Variants in VEGFC observed in about 807,000 individuals in gnomAD.
VEGFC encodes the protein FLT4 ligand DHM.
In VEGFC, 12 loss-of-function variants were observed where a neutral mutation model predicts 46.1. The observed-to-expected ratio is 0.26, with a 90% confidence interval of 0.17 to 0.42. The LOEUF is 0.42. Ranked by LOEUF, VEGFC falls within the 10% of genes least tolerant of loss-of-function variation. The pLI is 1.00. For missense variants in VEGFC, 488 were observed against 529.4 expected (o/e 0.92, Z 0.77); for synonymous variants, 232 against 195.5 (o/e 1.19, Z -1.56).
intron 3 of VEGFC, among the ~76,000 whole-genome samples, chr4:176,725,853 T>C (rs1435854090): frequency 6.6e-6 from 1 of 152,096 alleles, no homozygotes; most frequent in African/African-American, 2.4e-5. Context: ...ATTTTAATTA[T>C]TAATATGTTT....
At chr4:176,708,293 C>A (rs1336507055) in intron 4 of VEGFC, among the ~76,000 whole-genome samples, 2 of 151,738 alleles carry the variant, frequency 1.3e-5, no homozygotes, top group South Asian at 2.1e-4. Context: ...AGTTTCCTGG[C>A]AAATACAATT....
intron 1 of VEGFC, among the ~76,000 whole-genome samples, chr4:176,737,415 T>C (rs1305107447): frequency 6.7e-6 from 1 of 149,470 alleles, no homozygotes; most frequent in African/African-American, 2.4e-5. Flanking sequence ...CATTTCTATG[T>C]TAAATTTGAG....
intron 2 of VEGFC, 62 bp downstream of exon 2, chr4:176,729,471 G>C: frequency 2.1e-6 from 3 of 1,433,392 alleles, no homozygotes; most frequent in Non-Finnish European, 2.8e-6. Context: ...AAAGAACCAG[G>C]CTGGCAACTT....
chr4:176,772,674 C>T (rs139641783), intron 1 of VEGFC, among the ~76,000 whole-genome samples: 2 of 152,284 alleles, frequency 1.3e-5, no homozygotes, highest in African/African-American at 4.8e-5. Flanking sequence ...GCTCTGCCCA[C>T]CTGAATGGAT....
chr4:176,787,632 C>CA (rs1161984565), intron 1 of VEGFC, among the ~76,000 whole-genome samples: 1 of 151,888 alleles, frequency 6.6e-6, no homozygotes, highest in Non-Finnish European at 1.5e-5. Flanking sequence ...TGATTAATTC[C>CA]ATGATGGATG....
intron 1 of VEGFC, among the ~76,000 whole-genome samples, chr4:176,744,927 T>C (rs1184418660): frequency 3.3e-5 from 5 of 152,052 alleles, no homozygotes; most frequent in Admixed American, 3.3e-4. Context: ...TCTACGCTAA[T>C]TCCAAAATCC....
chr4:176,792,429 A>AC lies in VEGFC; in HGVS notation c.-119dup, dbSNP rs531202860. ...CCTCTCCCCCGGGCTCCTCCCGGCGACCCCCCCTGGGCGAGCCGGAGGCGG... is the reference window on the plus strand; with the variant it reads ...CCTCTCCCCCGGGCTCCTCCCGGCGACCCCCCCCTGGGCGAGCCGGAGGCGG... On this transcript the variant is annotated 5_prime_UTR_variant, in exon 1 of 7. Transcript: ENST00000618562. The surrounding 1 kb of genome is among the most constrained non-coding windows in gnomAD (Gnocchi z 6.3). 0.024 allele frequency: 18,030 copies of AC among 763,078 alleles called. 327 individuals carry two copies. The highest frequency in any genetic ancestry group is 0.028 in the Non-Finnish European group (15,530 of 545,562). The allele number at this position is 763,078 out of a possible 1,614,324, so 47.3% of individuals were successfully genotyped here. A position where few individuals can be genotyped will look rare whatever the true frequency, so the allele number is the denominator to read the frequency against.
intron 1 of VEGFC, among the ~76,000 whole-genome samples, chr4:176,774,020 T>C (rs1176235490): frequency 6.6e-6 from 1 of 152,162 alleles, no homozygotes; most frequent in African/African-American, 2.4e-5. Flanking sequence ...ATGCTCATCT[T>C]TAGAAGTCCA....
At chr4:176,737,724 A>T (rs1735080152) in intron 1 of VEGFC, among the ~76,000 whole-genome samples, 1 of 151,734 alleles carries the variant, frequency 6.6e-6, no homozygotes, top group South Asian at 2.1e-4. Context: ...TTTTTAGCAT[A>T]TTTTATTCCT....
intron 1 of VEGFC, among the ~76,000 whole-genome samples, chr4:176,759,222 C>T (rs554003080): frequency 2.1e-4 from 32 of 152,050 alleles, no homozygotes; most frequent in African/African-American, 7.2e-4. Flanking sequence ...CTTAGACCTG[C>T]CAATTTGGGG....
At chr4:176,745,145 C>A (rs1735239731) in intron 1 of VEGFC, among the ~76,000 whole-genome samples, 1 of 152,076 alleles carries the variant, frequency 6.6e-6, no homozygotes, top group Admixed American at 6.6e-5. Flanking sequence ...CCAAGCTTTA[C>A]CCTTTTCTTG....
intron 1 of VEGFC, among the ~76,000 whole-genome samples, chr4:176,765,934 T>TA (rs1444249468): frequency 1.3e-5 from 2 of 151,224 alleles, no homozygotes; most frequent in East Asian, 1.9e-4. Context: ...GTGGATGTAA[T>TA]AAAAAACAGA....
At chr4:176,697,150 A>C (rs1409839869) in intron 4 of VEGFC, among the ~76,000 whole-genome samples, 3 of 151,946 alleles carry the variant, frequency 2.0e-5, no homozygotes, top group Non-Finnish European at 4.4e-5. Flanking sequence ...TAATTAAACT[A>C]AAGAGCTTCT....
At chr4:176,786,646 C>T (rs558132753) in intron 1 of VEGFC, among the ~76,000 whole-genome samples, 2 of 152,272 alleles carry the variant, frequency 1.3e-5, no homozygotes, top group Admixed American at 1.3e-4. Context: ...TGATTATAAG[C>T]TTGTTATAGA....
intron 3 of VEGFC, among the ~76,000 whole-genome samples, chr4:176,723,755 T>TCA (rs1560946239): frequency 6.6e-6 from 1 of 150,686 alleles, no homozygotes. Flanking sequence ...ATAGGTAAAC[T>TCA]TTTATTTTAG....
chr4:176,739,862 A>G (rs1479084306), intron 1 of VEGFC, among the ~76,000 whole-genome samples: 1 of 151,024 alleles, frequency 6.6e-6, no homozygotes, highest in Admixed American at 6.7e-5. Context: ...AGATCATTAA[A>G]GAAATAAAAT....
chr4:176,763,251 C>T (rs1324446092), intron 1 of VEGFC, among the ~76,000 whole-genome samples: 1 of 151,836 alleles, frequency 6.6e-6, no homozygotes, highest in African/African-American at 2.4e-5. Flanking sequence ...GGAAAAAGGA[C>T]CAAAAGTGAA....
intron 4 of VEGFC, among the ~76,000 whole-genome samples, chr4:176,702,261 T>C (rs1734447377): frequency 1.3e-5 from 2 of 152,164 alleles, no homozygotes; most frequent in East Asian, 1.9e-4. Flanking sequence ...TGTCAACATT[T>C]TAATAAAAGA....
chr4:176,761,555 A>G (rs1560958575), intron 1 of VEGFC, among the ~76,000 whole-genome samples: 1 of 152,202 alleles, frequency 6.6e-6, no homozygotes, highest in Non-Finnish European at 1.5e-5. Context: ...CCCTAAATAA[A>G]CAAGGAAAAC....
Sources: gnomAD v4.1 joint callset for allele counts (sites outside exome capture counted in the v4.1 genomes callset) on GRCh38, gnomAD v4.1.1 for gene constraint, Gnocchi (gnomAD v3.1) non-coding constraint, MANE v1.5 for transcripts, NCBI Gene and HGNC (gene_info 2026-07-23, HGNC 2026-07-21) for gene names.